STAG1: variants seen among roughly 807,000 people sequenced by gnomAD.
STAG1 encodes the protein STAG1 cohesin complex component.
Under a neutral mutation model 170.9 loss-of-function variants are expected in STAG1, and 26 were observed. The ratio of observed to expected loss-of-function variants is 0.15; its 90% CI spans 0.11 to 0.21. The LOEUF (loss-of-function observed/expected upper bound fraction) is 0.21, where lower values mean the gene tolerates loss of function less well. Ranked by LOEUF, STAG1 falls within the 10% of genes least tolerant of loss-of-function variation. The pLI is 1.00. For missense variants in STAG1, 964 were observed against 1,509.5 expected (o/e 0.64, Z 5.99); for synonymous variants, 514 against 497.7 (o/e 1.03, Z -0.44).
intron 23 of STAG1, among the ~76,000 whole-genome samples, chr3:136,376,051 C>CAAAAT (rs1175424341): frequency 1.2e-4 from 2 of 16,856 alleles, no homozygotes; most frequent in Non-Finnish European, 3.5e-4. Flanking sequence ...TAAAATAAAA[C>CAAAAT]AAAATAAAAT....
Position 136,393,609 on chromosome 3 carries a change from T to C in STAG1, c.2277+5140A>G, listed in dbSNP as rs927515133. Among the ~76,000 whole-genome samples, 4 of 151,116 alleles carry C rather than the reference T, an allele frequency of 2.6e-5. No individual in the cohort carries two copies. The East Asian group carries it at 7.8e-4, about 29-fold the overall frequency. Reference sequence around the variant, plus strand: ...CTTCATCTTTTTTTTTTTTTTTTTTTTTGAGACAGAGTCTCACTCTGTTGC... The same window carrying C: ...CTTCATCTTTTTTTTTTTTTTTTTTCTTGAGACAGAGTCTCACTCTGTTGC... On this transcript the variant is annotated intron_variant, in intron 22 of 33. Transcript: ENST00000383202.
intron 1 of STAG1, among the ~76,000 whole-genome samples, chr3:136,652,965 G>A (rs1017448051): frequency 6.6e-6 from 1 of 152,066 alleles, no homozygotes; most frequent in East Asian, 1.9e-4. Context: ...ATAAGGGTGG[G>A]AGACACTGCC....
At position 136,459,230 on chromosome 3, in the gene STAG1, A is replaced by AAAAAAG. The variant is rs1553725122; in HGVS notation, c.1313+5650_1313+5651insCTTTTT. On this transcript the variant is annotated intron_variant, in intron 13 of 33. Coordinates refer to ENST00000383202, the MANE Select transcript of STAG1 (RefSeq NM_005862.3). Reference sequence around the variant, plus strand: ...AGACTCTGTCTTAAAGAAAAAAAAAAAAAAAAGAAAAGAAAAGAAAAGAAA... The same window carrying AAAAAAG: ...AGACTCTGTCTTAAAGAAAAAAAAAAAAAAAGAAAAAAGAAAAGAAAAGAAAAGAAA... 9.5e-3 allele frequency among the ~76,000 whole-genome samples: 1,428 copies of AAAAAAG among 150,836 alleles called. 23 individuals carry two copies. The highest frequency in any genetic ancestry group is 0.045 in the East Asian group (233 of 5,158).
At chr3:136,363,603 A>T (rs1357501303) in intron 25 of STAG1, 136 bp from the exon 26 acceptor site, 13 of 463,222 alleles carry the variant, frequency 2.8e-5, no homozygotes, top group Non-Finnish European at 4.5e-5. Flanking sequence ...AAGGAAAGGT[A>T]AATAAAAAAG....
intron 9 of STAG1, among the ~76,000 whole-genome samples, chr3:136,499,254 A>T (rs1933334818): frequency 6.6e-6 from 1 of 152,136 alleles, no homozygotes; most frequent in Non-Finnish European, 1.5e-5. Flanking sequence ...GGCGCAATCA[A>T]GGCTCACTGC....
intron 9 of STAG1, among the ~76,000 whole-genome samples, chr3:136,478,948 C>T (rs1295345510): frequency 3.9e-5 from 6 of 151,938 alleles, no homozygotes; most frequent in Admixed American, 3.9e-4. Context: ...GTAATAATAC[C>T]ACCTAGCTCA....
chr3:136,739,949 C>G (rs189956674), intron 1 of STAG1, among the ~76,000 whole-genome samples: 2 of 152,100 alleles, frequency 1.3e-5, no homozygotes, highest in South Asian at 4.1e-4. Flanking sequence ...ATAAATGCAA[C>G]GGGATAGATA....
intron 2 of STAG1, among the ~76,000 whole-genome samples, chr3:136,628,408 G>A (rs1245711480): frequency 2.6e-5 from 4 of 152,012 alleles, no homozygotes; most frequent in Non-Finnish European, 4.4e-5. Flanking sequence ...ATATGATATT[G>A]TTCCTCCCTA....
chr3:136,525,431 C>G (rs961270851), intron 6 of STAG1, among the ~76,000 whole-genome samples: 2 of 152,016 alleles, frequency 1.3e-5, no homozygotes, highest in African/African-American at 4.8e-5. Flanking sequence ...TCTGTGGGAT[C>G]GGTGGTGATA....
intron 1 of STAG1, among the ~76,000 whole-genome samples, chr3:136,751,853 A>G (rs1935270643): frequency 6.7e-6 from 1 of 150,084 alleles, no homozygotes; most frequent in Non-Finnish European, 1.5e-5. Context: ...CGAGCGCGCC[A>G]CAAAGGCTTC....
chr3:136,458,284 G>T (rs1411223305), intron 13 of STAG1, among the ~76,000 whole-genome samples: 1 of 152,078 alleles, frequency 6.6e-6, no homozygotes, highest in East Asian at 1.9e-4. Flanking sequence ...AACCTCCCAA[G>T]TAGCTGGAAT....
chr3:136,425,856 A>G (rs2088105514), intron 16 of STAG1, among the ~76,000 whole-genome samples: 1 of 151,576 alleles, frequency 6.6e-6, no homozygotes, highest in Non-Finnish European at 1.5e-5. Flanking sequence ...ATCACTAGTC[A>G]AAGTTGGGAT....
At chr3:136,456,552 C>T (rs1261536170) in intron 13 of STAG1, among the ~76,000 whole-genome samples, 1 of 152,022 alleles carries the variant, frequency 6.6e-6, no homozygotes, top group Non-Finnish European at 1.5e-5. Context: ...TTAGCATTCC[C>T]AAAGGAGACG....
rs1029410994 is a variant in STAG1 at position 136,336,719 on chromosome 3, A to G, written c.*1535T>C. 10 of 152,358 alleles carry G rather than the reference A, an allele frequency of 6.6e-5. No homozygotes were observed. The South Asian group carries it at 2.1e-3, about 32-fold the overall frequency. 9.4% of individuals were successfully genotyped at this position (152,358 alleles called of 1,614,324 possible). A position where few individuals can be genotyped will look rare whatever the true frequency, so the allele number is the denominator to read the frequency against. On this transcript the variant is annotated 3_prime_UTR_variant, in exon 34 of 34. Transcript: ENST00000383202. ...GACCAGGTTTTTTTCAGAACTGTACAAATGTTGAGAAAAATGTTTTGTGTC... is the reference window on the plus strand; with the variant it reads ...GACCAGGTTTTTTTCAGAACTGTACGAATGTTGAGAAAAATGTTTTGTGTC...
At chr3:136,469,740 C>T (rs956697166) in intron 12 of STAG1, among the ~76,000 whole-genome samples, 2 of 152,194 alleles carry the variant, frequency 1.3e-5, no homozygotes, top group Non-Finnish European at 2.9e-5. Flanking sequence ...AACTATACTA[C>T]AAGGCTACAG....
intron 1 of STAG1, among the ~76,000 whole-genome samples, chr3:136,685,330 C>A (rs1425798689): frequency 6.6e-6 from 1 of 151,596 alleles, no homozygotes; most frequent in Non-Finnish European, 1.5e-5. Context: ...AACAAACAAA[C>A]AAACAAACAA....
chr3:136,456,256 A>T (rs1355200930), intron 13 of STAG1, among the ~76,000 whole-genome samples: 1 of 152,206 alleles, frequency 6.6e-6, no homozygotes, highest in Non-Finnish European at 1.5e-5. Flanking sequence ...ACACACAAAA[A>T]ATCCAAATAG....
At chr3:136,518,747 GT>G (rs1450920767) in intron 7 of STAG1, among the ~76,000 whole-genome samples, 1 of 151,976 alleles carries the variant, frequency 6.6e-6, no homozygotes, top group African/African-American at 2.4e-5. Flanking sequence ...TTGTTAATTT[GT>G]TTTTTTGATA....
At chr3:136,617,708 A>G (rs553277431) in intron 3 of STAG1, among the ~76,000 whole-genome samples, 1 of 152,318 alleles carries the variant, frequency 6.6e-6, no homozygotes, top group Admixed American at 6.5e-5. Flanking sequence ...GAGCCAGAAA[A>G]AATCTAGCAG....
Sources: gnomAD v4.1 joint callset for allele counts (sites outside exome capture counted in the v4.1 genomes callset) on GRCh38, gnomAD v4.1.1 for gene constraint, MANE v1.5 for transcripts, NCBI Gene and HGNC (gene_info 2026-07-23, HGNC 2026-07-21) for gene names.